The following XRCC5 variants were observed in gnomAD, a reference collection of about 807,000 sequenced individuals.
The protein encoded by XRCC5 is DNA repair protein Ku80.
A neutral mutation model predicts 95.7 loss-of-function variants in XRCC5; 12 were observed. The ratio of observed to expected loss-of-function variants is 0.13; its 90% CI spans 0.08 to 0.20. XRCC5 has a LOEUF of 0.20. Ranked by LOEUF, XRCC5 falls within the 10% of genes least tolerant of loss-of-function variation. The pLI, the probability that XRCC5 is intolerant of heterozygous loss-of-function variation, is 1.00. For missense variants in XRCC5, 595 were observed against 873.9 expected, an observed-to-expected ratio of 0.68 and a Z score of 4.02; for synonymous variants, 281 against 290.3, an observed-to-expected ratio of 0.97 and a Z score of 0.33.
At chr2:216,117,117 T>C (rs745518095) in intron 3 of XRCC5, 58 of 421,868 alleles carry the variant, frequency 1.4e-4, no homozygotes, top group Non-Finnish European at 9.4e-5. Flanking sequence ...CTAGGGAGTA[T>C]ATGTGAGCAT....
chr2:216,157,086 G>A (rs183319534), intron 14 of XRCC5, among the ~76,000 whole-genome samples: 5 of 152,284 alleles, frequency 3.3e-5, no homozygotes, highest in Admixed American at 2.0e-4. Flanking sequence ...CAGACAGCAC[G>A]CACGCTGCCT....
chr2:216,120,714 C>T (rs1439327099), intron 5 of XRCC5, among the ~76,000 whole-genome samples: 2 of 150,024 alleles, frequency 1.3e-5, no homozygotes, highest in Non-Finnish European at 3.0e-5. Context: ...TGTTACCACA[C>T]CCAGCAGTTT....
In XRCC5 at chr2:216,119,066, A is replaced by G; in HGVS notation, c.392A>G (p.His131Arg). The G allele has an allele frequency of 6.2e-7, 1 of 1,614,086 alleles. No homozygotes were observed. Among genetic ancestry groups the G allele is most frequent in the Non-Finnish European group, 8.5e-7 (1 of 1,179,944 alleles). ...AGAGGAAAGAAGTTTGAGAAGAGGCATATTGAAATATTCACTGACCTCAGC... is the reference window on the plus strand; with the variant it reads ...AGAGGAAAGAAGTTTGAGAAGAGGCGTATTGAAATATTCACTGACCTCAGC... ...ETIGKKFEKR[H>R]IEIFTDLSSR... The change falls in exon 5 of 21, where the codon CAT (histidine) becomes CGT (arginine). Residue 131 changes from histidine to arginine, a missense_variant. His to Arg is a conservative substitution (Grantham distance 29). This residue lies in a region of XRCC5 where 286 missense variants were observed against 491.1 expected (regional missense o/e 0.58). Coordinates refer to ENST00000392132, the MANE Select transcript of XRCC5 (RefSeq NM_021141.4).
chr2:216,154,377 C>T (rs1165913101), intron 14 of XRCC5, among the ~76,000 whole-genome samples: 1 of 152,190 alleles, frequency 6.6e-6, no homozygotes, highest in Admixed American at 6.5e-5. Context: ...CAAAATTTAA[C>T]TGAGATAATT....
intron 2 of XRCC5, among the ~76,000 whole-genome samples, chr2:216,115,505 C>G (rs1696679559): frequency 6.6e-6 from 1 of 151,678 alleles, no homozygotes; most frequent in Admixed American, 6.6e-5. Flanking sequence ...AGCAGGCACC[C>G]AGACACCGTT....
chr2:216,192,815 T>G, intron 18 of XRCC5, 80 bp downstream of exon 18: 3 of 962,614 alleles, frequency 3.1e-6, no homozygotes, highest in Non-Finnish European at 4.4e-6. Context: ...ACATATAAAT[T>G]CTAAATATAA....
At chr2:216,187,811 ACACACACACACTCTCTCT>A (rs1436387769) in intron 16 of XRCC5, among the ~76,000 whole-genome samples, 1 of 108,696 alleles carries the variant, frequency 9.2e-6, no homozygotes, top group African/African-American at 4.6e-5. Flanking sequence ...ACACACACAC[ACACACACACACTCTCTCT>A]CTCTCTCTCT....
At chr2:216,147,283 C>A (rs975550318) in intron 13 of XRCC5, among the ~76,000 whole-genome samples, 1 of 152,048 alleles carries the variant, frequency 6.6e-6, no homozygotes, top group Non-Finnish European at 1.5e-5. Context: ...GGTGTATGAG[C>A]GAAGCAGGAG....
At chr2:216,157,420 A>G (rs1688867132) in intron 14 of XRCC5, among the ~76,000 whole-genome samples, 1 of 151,602 alleles carries the variant, frequency 6.6e-6, no homozygotes, top group East Asian at 1.9e-4. Flanking sequence ...CTTTTAATAG[A>G]GGTGGGGTTT....
chr2:216,144,141 A>T (rs543253073), intron 13 of XRCC5, among the ~76,000 whole-genome samples: 10 of 152,346 alleles, frequency 6.6e-5, no homozygotes, highest in Non-Finnish European at 1.3e-4. Context: ...CAAGTGGGTG[A>T]CTTAGGGAAG....
In XRCC5 at chr2:216,190,411, G is replaced by A; in HGVS notation, c.1944+77G>A. ...AGGGAAAGAGGCATACAGCATCCTG[G>A]AAATGAGTCTGGGCCGTGGAAATTA... On this transcript the variant is annotated intron_variant, in intron 17 of 20. Coordinates refer to ENST00000392132, the MANE Select transcript of XRCC5 (RefSeq NM_021141.4). 5 of 1,296,246 alleles carry A rather than the reference G, an allele frequency of 3.9e-6. No individual in the cohort carries two copies. In the South Asian group the frequency reaches 4.9e-5, roughly 13 times the overall value. The allele number at this position is 1,296,246 out of a possible 1,614,324, so 80.3% of individuals were successfully genotyped here.
intron 5 of XRCC5, among the ~76,000 whole-genome samples, chr2:216,119,995 G>A (rs1696776574): frequency 6.6e-6 from 1 of 152,206 alleles, no homozygotes; most frequent in African/African-American, 2.4e-5. Context: ...AAGCCTCTAG[G>A]TTAGAGTGGT....
rs1337939594 is a variant in XRCC5, at chr2:216,194,904, T to C, written c.2042-15T>C. ...TTCTTTGTGTTTTGATTTTACTCTC[T>C]GAATTACTTTTTAGATGGAATTACT... On this transcript the variant is annotated splice_polypyrimidine_tract_variant and intron_variant, in intron 18 of 20. Coordinates refer to ENST00000392132, the MANE Select transcript of XRCC5 (RefSeq NM_021141.4). The C allele has an allele frequency of 9.3e-6, 15 of 1,613,618 alleles. No homozygotes were observed. Among genetic ancestry groups the C allele is most frequent in the Admixed American group, 5.0e-5 (3 of 59,994 alleles).
intron 9 of XRCC5, among the ~76,000 whole-genome samples, chr2:216,132,124 G>A (rs1028205234): frequency 5.9e-5 from 9 of 152,184 alleles, no homozygotes; most frequent in African/African-American, 2.2e-4. Context: ...TGTGTTTACA[G>A]TGCTCAGATA....
intron 16 of XRCC5, among the ~76,000 whole-genome samples, chr2:216,181,587 C>T (rs763842539): frequency 6.6e-6 from 1 of 152,184 alleles, no homozygotes; most frequent in Non-Finnish European, 1.5e-5. Context: ...TAAAGAGATG[C>T]TTGTGATTTG....
chr2:216,135,798 CAAAA>C (rs34520726), intron 10 of XRCC5, among the ~76,000 whole-genome samples: 2 of 139,026 alleles, frequency 1.4e-5, no homozygotes, highest in Non-Finnish European at 3.2e-5. Context: ...GACTCTGTCT[CAAAA>C]AAAAAAAAGT....
chr2:216,158,977 A>G (rs1435053354), intron 14 of XRCC5, among the ~76,000 whole-genome samples: 1 of 152,214 alleles, frequency 6.6e-6, no homozygotes, highest in African/African-American at 2.4e-5. Context: ...ACATTTAGAA[A>G]TTCTAGTCCT....
chr2:216,163,456 A>AT (rs1688991518), intron 16 of XRCC5, among the ~76,000 whole-genome samples: 1 of 151,766 alleles, frequency 6.6e-6, no homozygotes, highest in Admixed American at 6.6e-5. Context: ...CGCCCGGCTA[A>AT]TTTTTGTATT....
chr2:216,177,889 T>C (rs1022642678), intron 16 of XRCC5, among the ~76,000 whole-genome samples: 3 of 152,204 alleles, frequency 2.0e-5, no homozygotes, highest in Admixed American at 6.5e-5. Context: ...GCAAGACTTA[T>C]ACATTGGAAT....
Sources: gnomAD v4.1 joint callset for allele counts (sites outside exome capture counted in the v4.1 genomes callset) on GRCh38, gnomAD v4.1.1 for gene constraint, gnomAD v4.1.1 regional missense constraint, MANE v1.5 for transcripts, NCBI Gene and HGNC (gene_info 2026-07-23, HGNC 2026-07-21) for gene names.